The following NETO1 variants were observed in gnomAD, a reference collection of about 807,000 sequenced individuals.
NETO1 encodes the protein neuropilin and tolloid like 1, also known as neuropilin and tolloid-like protein 1.
Under a neutral mutation model 61.3 loss-of-function variants are expected in NETO1, and 26 were observed. The ratio of observed to expected loss-of-function variants is 0.42; its 90% CI spans 0.31 to 0.59. NETO1 has a LOEUF of 0.59. Ranked by LOEUF, NETO1 falls within the 20% of genes least tolerant of loss-of-function variation. NETO1 has a pLI of 0.12. For missense variants in NETO1, 531 were observed against 662.8 expected, an observed-to-expected ratio of 0.80 and a Z score of 2.18; for synonymous variants, 225 against 225.8, an observed-to-expected ratio of 1.00 and a Z score of 0.03.
chr18:72,782,750 G>C (rs2071787072), intron 7 of NETO1, among the ~76,000 whole-genome samples: 1 of 152,074 alleles, frequency 6.6e-6, no homozygotes, highest in South Asian at 2.1e-4. Flanking sequence ...GTTGCTGTGA[G>C]CTGAGATCGC....
intron 1 of NETO1, chr18:72,865,806 G>T: frequency 1.9e-6 from 2 of 1,036,218 alleles, no homozygotes; most frequent in Non-Finnish European, 1.3e-6. Context: ...TTATTGGAAT[G>T]TTGCCTACAA....
chr18:72,767,493 G>A (rs2071205637), intron 7 of NETO1, among the ~76,000 whole-genome samples: 1 of 152,124 alleles, frequency 6.6e-6, no homozygotes, highest in Non-Finnish European at 1.5e-5. Flanking sequence ...AATAGGCAAA[G>A]AAGCAAAATT....
chr18:72,787,921 T>A (rs2071977136), intron 6 of NETO1, among the ~76,000 whole-genome samples: 1 of 150,308 alleles, frequency 6.7e-6, no homozygotes, highest in Non-Finnish European at 1.5e-5. Context: ...AACTATCCAC[T>A]TCTTCTAATG....
intron 6 of NETO1, among the ~76,000 whole-genome samples, chr18:72,792,094 T>C (rs936729): frequency 0.35 from 52,612 of 151,906 alleles, 9,504 homozygotes; most frequent in Non-Finnish European, 0.4. Context: ...GCCTTAGAGA[T>C]ACATTCAAGA....
At chr18:72,772,164 T>C (rs2071372187) in intron 7 of NETO1, among the ~76,000 whole-genome samples, 1 of 140,226 alleles carries the variant, frequency 7.1e-6, no homozygotes, top group Non-Finnish European at 1.6e-5. Context: ...TAGTTCTCTG[T>C]ATAATATGGC....
At chr18:72,845,153 T>G (rs1480769463) in intron 4 of NETO1, among the ~76,000 whole-genome samples, 1 of 152,240 alleles carries the variant, frequency 6.6e-6, no homozygotes, top group Non-Finnish European at 1.5e-5. Flanking sequence ...AATGAATCTG[T>G]GAAATGATGA....
chr18:72,759,105 G>A (rs943836039), intron 7 of NETO1, among the ~76,000 whole-genome samples: 6 of 152,012 alleles, frequency 3.9e-5, no homozygotes, highest in African/African-American at 7.3e-5. Flanking sequence ...CTCTTTCGAC[G>A]ACTTGCGTGC....
chr18:72,792,252 A>C (rs1397900840), intron 6 of NETO1, among the ~76,000 whole-genome samples: 3 of 152,028 alleles, frequency 2.0e-5, no homozygotes, highest in African/African-American at 7.2e-5. Flanking sequence ...GCCAACGTGG[A>C]GAAACCCCGT....
chr18:72,816,521 CG>C (rs1277048794), intron 4 of NETO1, among the ~76,000 whole-genome samples: 1 of 152,012 alleles, frequency 6.6e-6, no homozygotes, highest in Non-Finnish European at 1.5e-5. Context: ...CATTTGGGAG[CG>C]GGGGAAAGGG....
chr18:72,804,351 G>A (rs1242623815), intron 4 of NETO1, among the ~76,000 whole-genome samples: 4 of 152,220 alleles, frequency 2.6e-5, no homozygotes, highest in South Asian at 2.1e-4. Flanking sequence ...AGGCTTGCAC[G>A]ATGTATTTAT....
chr18:72,755,943 T>C (rs1446304107), intron 8 of NETO1, 91 bp downstream of exon 8: 1 of 666,732 alleles, frequency 1.5e-6, no homozygotes, highest in Non-Finnish European at 2.7e-6. Flanking sequence ...TATACACTCT[T>C]ATTTTAAAGA....
chr18:72,783,813 C>T lies in NETO1; in HGVS notation c.733G>A (p.Asp245Asn), dbSNP rs140865189. ...AVYDGSSSVE[D>N]LKAKFCSTVA... ...GTGCTACAGAACTTAGCTTTCAAAT[C>T]CTCCACGGAACTGCTTCCATCATAC... Residue 245 changes from aspartate to asparagine, a missense_variant, in exon 7 of 11, where the codon GAT becomes AAT. Physicochemically the swap from Asp to Asn is conservative, Grantham distance 23. Transcript: ENST00000327305. The T allele has an allele frequency of 1.2e-6, 2 of 1,614,070 alleles. No individual in the cohort carries two copies. Among genetic ancestry groups the T allele is most frequent in the African/African-American group, 2.7e-5 (2 of 74,930 alleles).
chr18:72,799,851 T>C (rs1430852382), intron 4 of NETO1, among the ~76,000 whole-genome samples: 1 of 152,218 alleles, frequency 6.6e-6, no homozygotes, highest in Admixed American at 6.5e-5. Flanking sequence ...TGGCAACACA[T>C]TTCAGTAACA....
intron 4 of NETO1, among the ~76,000 whole-genome samples, chr18:72,847,163 G>A (rs1265681164): frequency 6.6e-6 from 1 of 152,230 alleles, no homozygotes; most frequent in Non-Finnish European, 1.5e-5. Context: ...AAACAGAAGA[G>A]AAGTGACATA....
chr18:72,827,418 T>C (rs1380592787), intron 4 of NETO1, among the ~76,000 whole-genome samples: 2 of 152,116 alleles, frequency 1.3e-5, no homozygotes, highest in Non-Finnish European at 2.9e-5. Context: ...CATAGGGTTG[T>C]AGCCTGGGTT....
chr18:72,796,279 A>G (rs2072307560), intron 4 of NETO1, among the ~76,000 whole-genome samples: 1 of 152,058 alleles, frequency 6.6e-6, no homozygotes, highest in Non-Finnish European at 1.5e-5. Flanking sequence ...ATCTTCATTA[A>G]AGGTTTTGTT....
At position 72,783,787 on chromosome 18, in the gene NETO1, A is replaced by G. The variant is rs776555505; in HGVS notation, c.759T>C (p.Thr253=). 57 of 1,614,086 alleles carry G rather than the reference A, an allele frequency of 3.5e-5. No individual in the cohort carries two copies. Among genetic ancestry groups the G allele is most frequent in the Non-Finnish European group, 4.1e-5 (48 of 1,180,034 alleles). ...VEDLKAKFCS[T]VANDVMLRTG... ...TGCGTAGCATGACATCATTAGCCAC[A>G]GTGCTACAGAACTTAGCTTTCAAAT... Residue 253 remains threonine, a synonymous_variant, in exon 7 of 11, where the codon ACT becomes ACC. Coordinates refer to ENST00000327305, the MANE Select transcript of NETO1 (RefSeq NM_138966.5).
At chr18:72,835,363 T>C (rs185726871) in intron 4 of NETO1, 5 of 1,530,170 alleles carry the variant, frequency 3.3e-6, no homozygotes, top group Non-Finnish European at 4.5e-6. Context: ...TAGACCAGTA[T>C]ATGATCAGGC....
chr18:72,801,638 C>T (rs1373524159), intron 4 of NETO1, among the ~76,000 whole-genome samples: 1 of 152,128 alleles, frequency 6.6e-6, no homozygotes, highest in African/African-American at 2.4e-5. Context: ...TTGTTCAATA[C>T]AATGTTATTC....
Sources: gnomAD v4.1 joint callset for allele counts (sites outside exome capture counted in the v4.1 genomes callset) on GRCh38, gnomAD v4.1.1 for gene constraint, MANE v1.5 for transcripts, NCBI Gene and HGNC (gene_info 2026-07-23, HGNC 2026-07-21) for gene names.